FAM193A: variants seen among roughly 807,000 people sequenced by gnomAD.
The protein encoded by FAM193A is protein FAM193A.
A neutral mutation model predicts 126.5 loss-of-function variants in FAM193A; 22 were observed. That is an observed-to-expected ratio of 0.17 (90% CI 0.12 to 0.25). The LOEUF is 0.25. FAM193A is among the 10% of genes least tolerant of loss of function. The pLI, the probability that FAM193A is intolerant of heterozygous loss-of-function variation, is 1.00. For missense variants in FAM193A, 1,675 were observed against 1,672.8 expected (o/e 1.00, Z -0.02); for synonymous variants, 761 against 646.8 (o/e 1.18, Z -2.68).
intron 2 of FAM193A, among the ~76,000 whole-genome samples, chr4:2,617,147 G>A (rs1188661191): frequency 9.6e-5 from 10 of 104,704 alleles, no homozygotes; most frequent in South Asian, 3.5e-4. Flanking sequence ...GAGCCTGGGC[G>A]ACAGAGCGAG....
intron 2 of FAM193A, among the ~76,000 whole-genome samples, chr4:2,604,791 CT>C (rs869148370): frequency 0.04 from 3,938 of 99,654 alleles, 37 homozygotes; most frequent in African/African-American, 0.091. Flanking sequence ...TTTCTTTTTC[CT>C]TTTTTTTTTT....
chr4:2,652,996 G>C (rs2109077848), intron 7 of FAM193A, among the ~76,000 whole-genome samples: 1 of 152,344 alleles, frequency 6.6e-6, no homozygotes, highest in South Asian at 2.1e-4. Flanking sequence ...AGGCAGGCCT[G>C]TTGGGGTTTA....
chr4:2,699,639 A>G (rs1342342094), intron 18 of FAM193A, 41 bp from the exon 19 acceptor site: 2 of 1,544,380 alleles, frequency 1.3e-6, no homozygotes, highest in Non-Finnish European at 1.7e-6. Flanking sequence ...AATTTTTAGC[A>G]CTCACTGTAG....
Position 2,662,876 on chromosome 4 carries a change from A to G in FAM193A, c.1784A>G (p.Lys595Arg), listed in dbSNP as rs756156530. 4.3e-6 allele frequency: 7 copies of G among 1,611,884 alleles called. No homozygotes were observed. Among genetic ancestry groups the G allele is most frequent in the African/African-American group, 1.3e-5 (1 of 74,970 alleles). ...GAAGATGTTGCACCATTGTCAGCCA[A>G]ATTTGCTGATATTTATCCATTGAGT... ...DDEDVAPLSA[K>R]FADIYPLSNY... Residue 595 changes from lysine (K) to arginine (R), a missense_variant, in exon 11 of 21, where the codon AAA becomes AGA. By Grantham distance (26) the Lys-to-Arg change is conservative (BLOSUM62 2). This residue lies in a region of FAM193A where 1,186 missense variants were observed against 1,109.2 expected (regional missense o/e 1.07). Transcript: ENST00000637812.
chr4:2,589,134 A>C (rs1168767116), intron 1 of FAM193A, among the ~76,000 whole-genome samples: 1 of 152,228 alleles, frequency 6.6e-6, no homozygotes, highest in Non-Finnish European at 1.5e-5. Flanking sequence ...AACAAATAGT[A>C]ATTATATTAT....
At chr4:2,563,979 A>T (rs573646653) in intron 1 of FAM193A, among the ~76,000 whole-genome samples, 5 of 152,298 alleles carry the variant, frequency 3.3e-5, no homozygotes, top group Middle Eastern at 3.4e-3. Context: ...GAGTTTTCTT[A>T]CTTTTATTTC....
intron 1 of FAM193A, among the ~76,000 whole-genome samples, chr4:2,586,955 G>C (rs1439650715): frequency 6.6e-5 from 10 of 152,140 alleles, no homozygotes; most frequent in Non-Finnish European, 1.3e-4. Flanking sequence ...GCTCAGCCTA[G>C]TATAGCTTTT....
chr4:2,703,801 T>TAAAAAAAA (rs34569439), intron 19 of FAM193A, among the ~76,000 whole-genome samples: 1 of 129,084 alleles, frequency 7.7e-6, no homozygotes, highest in Non-Finnish European at 1.7e-5. Context: ...CCATCTCTAC[T>TAAAAAAAA]AAAAAAAAAA....
chr4:2,635,789 C>T lies in FAM193A; in HGVS notation c.1039-3946C>T, dbSNP rs568196692. On this transcript the variant is annotated intron_variant, in intron 5 of 20. Coordinates refer to ENST00000637812, the MANE Select transcript of FAM193A (RefSeq NM_001366318.2). ...CTGACCTCAGGTGATCTGCCCGCCT[C>T]GGCCTCCCAAAGTTTTGGGATTATG... 1.1e-3 allele frequency among the ~76,000 whole-genome samples: 167 copies of T among 152,264 alleles called. 1 individual carries two copies. The highest frequency in any genetic ancestry group is 4.0e-3 in the African/African-American group (165 of 41,574).
chr4:2,681,011 A>T (rs1008049743), intron 13 of FAM193A, among the ~76,000 whole-genome samples: 2 of 151,940 alleles, frequency 1.3e-5, no homozygotes, highest in African/African-American at 4.8e-5. Context: ...TGCTTTTTAG[A>T]GATATGCTTG....
intron 7 of FAM193A, among the ~76,000 whole-genome samples, chr4:2,651,152 G>T (rs942976188): frequency 2.6e-5 from 4 of 152,162 alleles, no homozygotes; most frequent in African/African-American, 9.7e-5. Context: ...CCAGCATGGA[G>T]AAACCCCGTC....
chr4:2,686,644 G>A (rs1284459470), intron 13 of FAM193A, among the ~76,000 whole-genome samples: 1 of 152,188 alleles, frequency 6.6e-6, no homozygotes, highest in Non-Finnish European at 1.5e-5. Context: ...CAGGCTCTCA[G>A]CCAGGCTTTT....
At chr4:2,648,145 T>A (rs1429118222) in intron 7 of FAM193A, among the ~76,000 whole-genome samples, 1 of 152,212 alleles carries the variant, frequency 6.6e-6, no homozygotes, top group Non-Finnish European at 1.5e-5. Context: ...ATTCTCAGCC[T>A]CCCAAAGTAC....
intron 1 of FAM193A, among the ~76,000 whole-genome samples, chr4:2,556,256 A>T (rs1388526587): frequency 1.3e-5 from 2 of 151,198 alleles, no homozygotes; most frequent in African/African-American, 4.9e-5. Context: ...GCCAGGCTGG[A>T]GTGCAGTGAC....
At chr4:2,680,282 A>T (rs1316121466) in intron 13 of FAM193A, among the ~76,000 whole-genome samples, 1 of 152,056 alleles carries the variant, frequency 6.6e-6, no homozygotes, top group Non-Finnish European at 1.5e-5. Flanking sequence ...TTTTCATTTC[A>T]TCTGTTTTAT....
chr4:2,646,433 A>G (rs1165553972), intron 6 of FAM193A, among the ~76,000 whole-genome samples: 2 of 151,618 alleles, frequency 1.3e-5, no homozygotes, highest in Admixed American at 6.6e-5. Context: ...CAGTCTCCCA[A>G]AGTGCTAGGA....
intron 1 of FAM193A, among the ~76,000 whole-genome samples, chr4:2,565,645 A>C (rs1313126682): frequency 6.6e-6 from 1 of 152,174 alleles, no homozygotes; most frequent in East Asian, 1.9e-4. Context: ...GTAGGGCAGG[A>C]TTGCAGAAAG....
intron 1 of FAM193A, among the ~76,000 whole-genome samples, chr4:2,547,401 T>A (rs543640837): frequency 1.3e-5 from 2 of 151,850 alleles, no homozygotes; most frequent in East Asian, 3.9e-4. Flanking sequence ...TCTCAAAAAA[T>A]AATAATAACA....
chr4:2,651,661 GGGACAAA>G (rs755906494), intron 7 of FAM193A, among the ~76,000 whole-genome samples: 22 of 152,288 alleles, frequency 1.4e-4, no homozygotes, highest in Middle Eastern at 3.4e-3. Context: ...GATTTGGGTG[GGGACAAA>G]GGTGAACCAT....
Sources: gnomAD v4.1 joint callset for allele counts (sites outside exome capture counted in the v4.1 genomes callset) on GRCh38, gnomAD v4.1.1 for gene constraint, gnomAD v4.1.1 regional missense constraint, MANE v1.5 for transcripts, NCBI Gene and HGNC (gene_info 2026-07-23, HGNC 2026-07-21) for gene names.